Variants in SEMA6C observed in about 807,000 individuals in gnomAD.
SEMA6C encodes the protein semaphorin-6C.
A neutral mutation model predicts 72.9 loss-of-function variants in SEMA6C; 37 were observed. The ratio of observed to expected loss-of-function variants is 0.51; its 90% CI spans 0.39 to 0.67. The LOEUF (loss-of-function observed/expected upper bound fraction) is 0.67. Among genes scored for constraint, SEMA6C ranks in the 30% least tolerant of loss-of-function variants. The pLI is 0.00. For missense variants in SEMA6C, 1,189 were observed against 1,263.6 expected (o/e 0.94, Z 0.89); for synonymous variants, 578 against 554.1 (o/e 1.04, Z -0.61).
Position 151,133,860 on chromosome 1 carries a change from C to T in SEMA6C, c.1760-343G>A, listed in dbSNP as rs1331324032. On this transcript the variant is annotated intron_variant, in intron 18 of 18. Coordinates refer to ENST00000368914, the MANE Select transcript of SEMA6C (RefSeq NM_030913.6). The surrounding 1 kb of genome is among the most constrained non-coding windows in gnomAD (Gnocchi z 5.9). ...CTGGGGAAGGGAGGCTCCAAACAGG[C>T]GTTAGTGAGCACCAAACACCATTCA... 4 of 1,085,198 alleles carry T rather than the reference C, an allele frequency of 3.7e-6. No individual in the cohort carries two copies. Among genetic ancestry groups the T allele is most frequent in the South Asian group, 1.5e-5 (1 of 67,832 alleles). The allele number at this position is 1,085,198 out of a possible 1,614,324, so 67.2% of individuals were successfully genotyped here.
Position 151,133,426 on chromosome 1 carries a change from GC to G in SEMA6C, c.1850del (p.Gly617AlafsTer134). 1 of 1,588,202 alleles carries G rather than the reference GC, an allele frequency of 6.3e-7. No homozygotes were observed. ...LASVAAAFAL[G>X]ASVSGLLVSC... ...AGACCAGGAGGCCAGAGACTGAGGC[GC>G]CCAGGGCAAAAGCTGCGGCCACACT... On this transcript the variant is annotated frameshift_variant, in exon 19 of 19. Coordinates refer to ENST00000368914, the MANE Select transcript of SEMA6C (RefSeq NM_030913.6). LOFTEE classifies it low-confidence loss of function (END_TRUNC). The surrounding 1 kb of genome is among the most constrained non-coding windows in gnomAD (Gnocchi z 5.9).
Position 151,132,947 on chromosome 1 carries a change from G to A in SEMA6C, c.2330C>T (p.Pro777Leu), listed in dbSNP as rs1403109413. The A allele has an allele frequency of 2.1e-6, 3 of 1,407,084 alleles. No individual in the cohort carries two copies. Among genetic ancestry groups the A allele is most frequent in the Non-Finnish European group, 1.9e-6 (2 of 1,077,560 alleles). The allele number at this position is 1,407,084 out of a possible 1,614,324, so 87.2% of individuals were successfully genotyped here. A position where few individuals can be genotyped will look rare whatever the true frequency, so the allele number is the denominator to read the frequency against. Residue 777 changes from proline (P) to leucine (L), a missense_variant, in exon 19 of 19, where the codon CCG becomes CTG. Around this residue, in one of 2 missense-constraint regions of SEMA6C, gnomAD observed 721 missense variants for 686.2 expected, o/e 1.05. Coordinates refer to ENST00000368914, the MANE Select transcript of SEMA6C (RefSeq NM_030913.6). ...CTCGGCCCCCTTTCTGGGCGGCTGC[G>A]GGCCGTGCAGGTAGCGCAGCAGTTC... The part of the protein sequence containing the change: ...LEELLRYLHG[P>L]QPPRKGAEPP...
Position 151,132,878 on chromosome 1 carries a change from G to A in SEMA6C, c.2399C>T (p.Ala800Val). The change falls in exon 19 of 19, where the codon GCC (alanine) becomes GTC (valine). Residue 800 changes from alanine (A) to valine (V), a missense_variant. By Grantham distance (64) the Ala-to-Val change is moderately conservative. This residue lies in a region of SEMA6C where 721 missense variants were observed against 686.2 expected (regional missense o/e 1.05). Transcript: ENST00000368914. ...GCTGGGGCCGCCCAAGAGGGCGGGG[G>A]CGGGCTCCGGCGGGAGCGCCCGCGA... ...LTSRALPPEP[A>V]PALLGGPSPR... 2 of 1,299,528 alleles carry A rather than the reference G, an allele frequency of 1.5e-6. No homozygotes were observed. Among genetic ancestry groups the A allele is most frequent in the East Asian group, 3.8e-5 (1 of 26,572 alleles). The allele number at this position is 1,299,528 out of a possible 1,614,324, so 80.5% of individuals were successfully genotyped here.
At position 151,140,077 on chromosome 1, in the gene SEMA6C, T is replaced by A. The variant is rs768707241; in HGVS notation, c.132A>T (p.Leu44Phe). ...LISDLQGTSPLSWFRGLEDDA... is the reference protein window; with the variant it reads ...LISDLQGTSPFSWFRGLEDDA... ...CATCCTCCAGGCCCCGAAACCAGGA[T>A]AATGGGGAAGTACCTTGAGGACACA... The change falls in exon 4 of 19, where the codon TTA (leucine) becomes TTT (phenylalanine). Residue 44 changes from leucine to phenylalanine, a missense_variant. Coordinates refer to ENST00000368914, the MANE Select transcript of SEMA6C (RefSeq NM_030913.6). 6.8e-6 allele frequency: 11 copies of A among 1,613,806 alleles called. No homozygotes were observed. The African/African-American group carries it at 1.3e-4, about 20-fold the overall frequency.
In SEMA6C at chr1:151,132,739, G is replaced by A. The variant is rs1269669442; in HGVS notation, c.2538C>T (p.Val846=). ...ALSAPAPRLG[V]GGGRRLPFSG... is the part of the protein sequence containing the mutation. ...AGAAAGGCAACCTCCGGCCTCCGCC[G>A]ACGCCCAGCCGGGGAGCGGGGGCGG... The change falls in exon 19 of 19, where the codon GTC becomes GTT. Residue 846 remains valine (V), a synonymous_variant. Transcript: ENST00000368914. 3.8e-5 allele frequency: 55 copies of A among 1,455,560 alleles called. No homozygotes were observed. The highest frequency in any genetic ancestry group is 4.8e-5 in the Non-Finnish European group (53 of 1,103,854). 90.2% of individuals were successfully genotyped at this position (1,455,560 alleles called of 1,614,324 possible). A position where few individuals can be genotyped will look rare whatever the true frequency, so the allele number is the denominator to read the frequency against.
chr1:151,146,493 C>G lies in SEMA6C; in HGVS notation c.-165G>C, dbSNP rs907573151. ...GGGCGGCCAGCGGCCACGCGCTGCG[C>G]TGAGTTCGCAATCCGTGGTTGTGCT... On this transcript the variant is annotated 5_prime_UTR_variant, in exon 1 of 19. Transcript: ENST00000368914. The surrounding 1 kb of genome is among the most constrained non-coding windows in gnomAD (Gnocchi z 4.6). 1 of 152,290 alleles carries G rather than the reference C, an allele frequency of 6.6e-6. No homozygotes were observed. The highest frequency in any genetic ancestry group is 1.5e-5 in the Non-Finnish European group (1 of 68,106). The allele number at this position is 152,290 out of a possible 1,614,324, so 9.4% of individuals were successfully genotyped here.
chr1:151,139,972 T>G lies in SEMA6C; in HGVS notation c.233+4A>C, dbSNP rs1176575051. 11 of 1,613,538 alleles carry G rather than the reference T, an allele frequency of 6.8e-6. No homozygotes were observed. Among genetic ancestry groups the G allele is most frequent in the Non-Finnish European group, 9.3e-6 (11 of 1,179,668 alleles). ...GCCCCACAACTGTGCCACGGCCAGT[T>G]TACCGGGCAGCCACTAGCAAGGTCC... On this transcript the variant is annotated splice_donor_region_variant and intron_variant, in intron 4 of 18. Coordinates refer to ENST00000368914, the MANE Select transcript of SEMA6C (RefSeq NM_030913.6).
intron 2 of SEMA6C, 120 bp from the exon 3 acceptor site, chr1:151,142,795 C>G (rs1558190210): frequency 1.8e-6 from 1 of 571,138 alleles, no homozygotes; most frequent in East Asian, 3.2e-5. Flanking sequence ...GGAAAAGAAC[C>G]CTCTCTCCAG....
chr1:151,133,867 G>T lies in SEMA6C; in HGVS notation c.1760-350C>A. ...AGGGAGGCTCCAAACAGGCGTTAGT[G>T]AGCACCAAACACCATTCAGTGAGGG... is the stretch of plus-strand genomic sequence containing the variant. On this transcript the variant is annotated intron_variant, in intron 18 of 18. Transcript: ENST00000368914. This position sits in a 1 kb window ranked among gnomAD's most constrained non-coding sequence, Gnocchi z 5.9. 8.8e-7 allele frequency: 1 copy of T among 1,132,820 alleles called. No individual in the cohort carries two copies. The highest frequency in any genetic ancestry group is 1.4e-5 in the South Asian group (1 of 69,900). The allele number at this position is 1,132,820 out of a possible 1,614,324, so 70.2% of individuals were successfully genotyped here.
At chr1:151,135,400 A>G in intron 14 of SEMA6C, 91 bp from the exon 15 acceptor site, 1 of 1,525,328 alleles carries the variant, frequency 6.6e-7, no homozygotes, top group South Asian at 1.3e-5. Context: ...GAGGCACACA[A>G]GCAACTGAGC....
At chr1:151,137,651 C>T (rs1389736410) in intron 10 of SEMA6C, 60 bp downstream of exon 10, 6 of 1,383,036 alleles carry the variant, frequency 4.3e-6, no homozygotes, top group Middle Eastern at 1.9e-4. Context: ...CCCACTCAGA[C>T]TGGCTCCTCA....
chr1:151,133,964 A>C lies in SEMA6C; in HGVS notation c.1759+437T>G, dbSNP rs1283857046. 6.7e-7 allele frequency: 1 copy of C among 1,490,678 alleles called. No homozygotes were observed. The highest frequency in any genetic ancestry group is 9.1e-7 in the Non-Finnish European group (1 of 1,099,604). 92.3% of individuals were successfully genotyped at this position (1,490,678 alleles called of 1,614,324 possible). On this transcript the variant is annotated intron_variant, in intron 18 of 18. Transcript: ENST00000368914. This position sits in a 1 kb window ranked among gnomAD's most constrained non-coding sequence, Gnocchi z 5.9. The stretch of plus-strand genomic sequence containing the variant: ...TCTCCCAAGTAGCCCCCTTACCCCG[A>C]GTGTGAACTCCAAGAGTGGAAGACT...
rs979073240 is a variant in SEMA6C, at chr1:151,137,693, T to G, written c.756+18A>C. ...AGCAGAACCCTCCAGCTACCCACCCTGATGCCCACCTCCTTACCCTCCCCA... is the reference window on the plus strand; with the variant it reads ...AGCAGAACCCTCCAGCTACCCACCCGGATGCCCACCTCCTTACCCTCCCCA... On this transcript the variant is annotated intron_variant, in intron 10 of 18. Transcript: ENST00000368914. The G allele has an allele frequency of 2.6e-5, 41 of 1,603,078 alleles. No individual in the cohort carries two copies. Among genetic ancestry groups the G allele is most frequent in the Non-Finnish European group, 3.5e-5 (41 of 1,172,194 alleles).
At chr1:151,136,690 G>T in intron 11 of SEMA6C, 111 bp from the exon 12 acceptor site, 1 of 1,446,932 alleles carries the variant, frequency 6.9e-7, no homozygotes, top group Non-Finnish European at 9.5e-7. Context: ...AGACTGAGGA[G>T]GTGGGGCAGC....
chr1:151,135,178 T>A lies in SEMA6C; in HGVS notation c.1565A>T (p.His522Leu), dbSNP rs1453639694. ...VYLPLSRCAR[H>L]GACQRSCLAS... ...CCCCTCTCACCTCTGACAGGCCCCA[T>A]GCCGGGCACACCGGCTGAGAGGGAG... Residue 522 changes from histidine to leucine, a missense_variant, in exon 15 of 19, where the codon CAT becomes CTT. His to Leu is a moderately conservative substitution (Grantham distance 99). Transcript: ENST00000368914. 6.2e-6 allele frequency: 10 copies of A among 1,613,832 alleles called. No individual in the cohort carries two copies. The Admixed American group carries it at 1.7e-4, about 27-fold the overall frequency.
rs749328643 is a variant in SEMA6C at position 151,145,058 on chromosome 1, G to C, written c.-104-624C>G. 1 of 152,318 alleles carries C rather than the reference G, an allele frequency of 6.6e-6. No individual in the cohort carries two copies. Among genetic ancestry groups the C allele is most frequent in the Non-Finnish European group, 1.5e-5 (1 of 68,130 alleles). 9.4% of individuals were successfully genotyped at this position (152,318 alleles called of 1,614,324 possible). On this transcript the variant is annotated intron_variant, in intron 1 of 18. Coordinates refer to ENST00000368914, the MANE Select transcript of SEMA6C (RefSeq NM_030913.6). This position sits in a 1 kb window ranked among gnomAD's most constrained non-coding sequence, Gnocchi z 4.4. ...GGCTTCTTGTAGCTGTTTCTGGGAA[G>C]CAGCATCTGGTCAGCTCCTCAACTC...
intron 4 of SEMA6C, 127 bp downstream of exon 4, chr1:151,139,849 C>A (rs1203685954): frequency 1.6e-6 from 2 of 1,214,850 alleles, no homozygotes; most frequent in Non-Finnish European, 2.4e-6. Context: ...TGGGTCCAAG[C>A]ATGTCCACAC....
At chr1:151,137,136 G>T in intron 10 of SEMA6C, 62 bp from the exon 11 acceptor site, 1 of 1,473,066 alleles carries the variant, frequency 6.8e-7, no homozygotes, top group Non-Finnish European at 9.5e-7. Flanking sequence ...CTGCATGCAA[G>T]GAGTGTGGTG....
chr1:151,138,605 C>T, intron 7 of SEMA6C, 25 bp downstream of exon 7: 1 of 1,607,414 alleles, frequency 6.2e-7, no homozygotes. Flanking sequence ...AACTCCCATC[C>T]TAACCCCCAC....
Sources: gnomAD v4.1 joint callset for allele counts on GRCh38, gnomAD v4.1.1 for gene constraint, gnomAD v4.1.1 regional missense constraint, Gnocchi (gnomAD v3.1) non-coding constraint, MANE v1.5 for transcripts, NCBI Gene and HGNC (gene_info 2026-07-23, HGNC 2026-07-21) for gene names.